ILRUN: variants seen among roughly 807,000 people sequenced by gnomAD.
The protein encoded by ILRUN is protein ILRUN.
A neutral mutation model predicts 33.8 loss-of-function variants in ILRUN; 3 were observed. That is an observed-to-expected ratio of 0.09 (90% CI 0.04 to 0.23). The LOEUF (loss-of-function observed/expected upper bound fraction) is 0.23. Ranked by LOEUF, ILRUN falls within the 10% of genes least tolerant of loss-of-function variation. The pLI is 1.00. For missense variants in ILRUN, 210 were observed against 375.1 expected (o/e 0.56, Z 3.64); for synonymous variants, 124 against 138.9 (o/e 0.89, Z 0.75).
intron 1 of ILRUN, among the ~76,000 whole-genome samples, chr6:34,661,888 G>A (rs1157368748): frequency 6.6e-6 from 1 of 152,096 alleles, no homozygotes; most frequent in African/African-American, 2.4e-5. Flanking sequence ...CACTTTGGGA[G>A]GCCCAGGTGG....
chr6:34,635,033 G>T (rs1243190344), intron 3 of ILRUN, among the ~76,000 whole-genome samples: 1 of 148,620 alleles, frequency 6.7e-6, no homozygotes, highest in South Asian at 2.1e-4. Context: ...TAAATAAAAT[G>T]TATTATTAAA....
chr6:34,644,556 T>C (rs1396137071), intron 3 of ILRUN, among the ~76,000 whole-genome samples: 2 of 152,098 alleles, frequency 1.3e-5, no homozygotes, highest in African/African-American at 2.4e-5. Context: ...TGCCTGAAAA[T>C]GGAGTCCTAC....
rs186369285 is a variant in ILRUN at position 34,641,520 on chromosome 6, G to T, written c.511+5081C>A. The stretch of plus-strand genomic sequence containing the variant: ...CAGCGGTCATCCCAGACACACAAGG[G>T]CTGGAAAACATAAGCCAAGGAGGCC... On this transcript the variant is annotated intron_variant, in intron 3 of 4. Coordinates refer to ENST00000374023, the MANE Select transcript of ILRUN (RefSeq NM_024294.4). Among the ~76,000 whole-genome samples, 30 of 152,266 alleles carry T rather than the reference G, an allele frequency of 2.0e-4. No individual in the cohort carries two copies. The East Asian group carries it at 5.6e-3, about 28-fold the overall frequency.
At chr6:34,614,284 T>C (rs1582045208) in intron 3 of ILRUN, among the ~76,000 whole-genome samples, 1 of 151,686 alleles carries the variant, frequency 6.6e-6, no homozygotes, top group Admixed American at 6.6e-5. Flanking sequence ...TAGCCGGGCA[T>C]GGTGGCGGGC....
chr6:34,615,973 G>T (rs537120263), intron 3 of ILRUN, among the ~76,000 whole-genome samples: 1 of 152,302 alleles, frequency 6.6e-6, no homozygotes, highest in South Asian at 2.1e-4. Context: ...GTTGTAAAGA[G>T]AAACCACTTA....
Position 34,592,742 on chromosome 6 carries a change from G to A in ILRUN, c.862-2142C>T, listed in dbSNP as rs1761321239. On this transcript the variant is annotated intron_variant, in intron 4 of 4. Transcript: ENST00000374023. This position sits in a 1 kb window ranked among gnomAD's most constrained non-coding sequence, Gnocchi z 4.0. ...AACGTAAAGCAGCTTAAAACAAGCT[G>A]CCCTGACTCAGCAGTTCCCAACAAC... Among the ~76,000 whole-genome samples, 2 of 152,016 alleles carry A rather than the reference G, an allele frequency of 1.3e-5. No individual in the cohort carries two copies. Among genetic ancestry groups the A allele is most frequent in the Admixed American group, 6.6e-5 (1 of 15,266 alleles).
At chr6:34,648,695 C>G (rs1762604191) in intron 2 of ILRUN, among the ~76,000 whole-genome samples, 1 of 152,104 alleles carries the variant, frequency 6.6e-6, no homozygotes, top group African/African-American at 2.4e-5. Flanking sequence ...ATGTCAGTCT[C>G]CTTAAAGACC....
chr6:34,601,798 AAG>A (rs576079179), intron 4 of ILRUN, among the ~76,000 whole-genome samples: 2 of 151,962 alleles, frequency 1.3e-5, no homozygotes, highest in Non-Finnish European at 2.9e-5. Context: ...AGGTGAGAAA[AAG>A]AGCTGATTTC....
At chr6:34,675,337 T>A (rs1041439885) in intron 1 of ILRUN, among the ~76,000 whole-genome samples, 1 of 152,038 alleles carries the variant, frequency 6.6e-6, no homozygotes, top group Admixed American at 6.6e-5. Context: ...CCCAAATATA[T>A]ATAAGCATTT....
At chr6:34,596,515 G>T (rs1048418290) in intron 4 of ILRUN, among the ~76,000 whole-genome samples, 1 of 152,090 alleles carries the variant, frequency 6.6e-6, no homozygotes, top group African/African-American at 2.4e-5. Context: ...ATTTCACCAC[G>T]TTGGCCAGGC....
chr6:34,613,759 CA>C (rs991228786), intron 3 of ILRUN, among the ~76,000 whole-genome samples: 6 of 152,156 alleles, frequency 3.9e-5, no homozygotes, highest in African/African-American at 1.4e-4. Flanking sequence ...CGTCCATATA[CA>C]AAAGTTGGTG....
intron 1 of ILRUN, among the ~76,000 whole-genome samples, chr6:34,675,940 A>G (rs1441373295): frequency 6.6e-6 from 1 of 152,236 alleles, no homozygotes; most frequent in Admixed American, 6.5e-5. Context: ...AGATACAGAT[A>G]ACTCTTCAGT....
At chr6:34,682,022 TTATATTTTTATTTTTTTAC>T (rs1423048427) in intron 1 of ILRUN, among the ~76,000 whole-genome samples, 10 of 109,448 alleles carry the variant, frequency 9.1e-5, no homozygotes, top group African/African-American at 3.5e-4. Context: ...CCACTAATTC[TTATATTTTTATTTTTTTAC>T]TTTTTTTTTT....
chr6:34,625,991 C>A (rs1362307536), intron 3 of ILRUN, among the ~76,000 whole-genome samples: 4 of 151,884 alleles, frequency 2.6e-5, no homozygotes, highest in Admixed American at 6.6e-5. Flanking sequence ...GCTGGGACTA[C>A]AGGCACCCGC....
intron 1 of ILRUN, among the ~76,000 whole-genome samples, chr6:34,682,032 A>ATTTTTTTAC (rs1763370918): frequency 7.9e-6 from 1 of 126,424 alleles, no homozygotes; most frequent in Non-Finnish European, 1.6e-5. Context: ...TTATATTTTT[A>ATTTTTTTAC]TTTTTTTACT....
chr6:34,629,283 CTG>C (rs1326514110), intron 3 of ILRUN, among the ~76,000 whole-genome samples: 2 of 152,262 alleles, frequency 1.3e-5, no homozygotes, highest in African/African-American at 4.8e-5. Flanking sequence ...CTATGACAAA[CTG>C]TGTACTTCAA....
chr6:34,621,415 C>T (rs1020894280), intron 3 of ILRUN, among the ~76,000 whole-genome samples: 11 of 152,100 alleles, frequency 7.2e-5, no homozygotes, highest in Admixed American at 7.2e-4. Context: ...AACAATTATG[C>T]AAAATATCGA....
intron 1 of ILRUN, among the ~76,000 whole-genome samples, chr6:34,676,767 CAAAAT>C (rs67841373): frequency 0.16 from 24,067 of 151,790 alleles, 2,480 homozygotes; most frequent in African/African-American, 0.29. Flanking sequence ...CAAGGAAACA[CAAAAT>C]AAAACAAGTA....
rs1460291729 is a variant in ILRUN, at chr6:34,589,241, G to A, written c.*1324C>T. On this transcript the variant is annotated 3_prime_UTR_variant, in exon 5 of 5. Transcript: ENST00000374023. ...TCAGAATCTACAGGATGCCAGGGCA[G>A]GCCACCTGCCTGAGTGAGCAGCCAG... 6.6e-6 allele frequency: 1 copy of A among 152,480 alleles called. No individual in the cohort carries two copies. Among genetic ancestry groups the A allele is most frequent in the Non-Finnish European group, 1.5e-5 (1 of 68,066 alleles). The allele number at this position is 152,480 out of a possible 1,614,324, so 9.4% of individuals were successfully genotyped here.
Sources: allele counts gnomAD v4.1 joint callset (sites outside exome capture counted in the v4.1 genomes callset), GRCh38; gene constraint gnomAD v4.1.1; non-coding constraint Gnocchi (gnomAD v3.1); transcripts MANE v1.5; gene names NCBI Gene and HGNC (gene_info 2026-07-23, HGNC 2026-07-21).